The following NFIB variants were observed in gnomAD, a reference collection of about 807,000 sequenced individuals.
NFIB encodes nuclear factor I B.
NFIB carries 11 observed loss-of-function variants against 61.5 expected under a neutral mutation model. The ratio of observed to expected loss-of-function variants is 0.18; its 90% CI spans 0.11 to 0.30. The LOEUF is 0.30. NFIB is among the 10% of genes least tolerant of loss of function. The probability of loss-of-function intolerance (pLI) is 1.00; values close to 1 mark genes in which losing one functional copy is unlikely to be tolerated. For synonymous variants in NFIB, 260 were observed against 216.5 expected (o/e 1.20, Z -1.76); for missense variants, 471 against 608.9 (o/e 0.77, Z 2.38).
At chr9:14,445,228 G>C in the NFIB span, among the ~76,000 whole-genome samples, 1 of 152,048 alleles carries the variant, frequency 6.6e-6, no homozygotes, top group Non-Finnish European at 1.5e-5. Context: ...TGTATATTTT[G>C]GGGGTTTTCT....
intron 2 of NFIB, among the ~76,000 whole-genome samples, chr9:14,278,556 G>C (rs990605029): frequency 6.6e-6 from 1 of 152,146 alleles, no homozygotes; most frequent in African/African-American, 2.4e-5. Flanking sequence ...GAAAAGAGGC[G>C]AGCCCCTGAG....
intron 10 of NFIB, among the ~76,000 whole-genome samples, chr9:14,096,189 T>C (rs1303824635): frequency 6.6e-6 from 1 of 152,140 alleles, no homozygotes; most frequent in Non-Finnish European, 1.5e-5. Flanking sequence ...GCACTTTACA[T>C]AAAACATATT....
intron 3 of NFIB, among the ~76,000 whole-genome samples, chr9:14,160,116 C>CT (rs1184643976): frequency 2.0e-5 from 3 of 151,928 alleles, no homozygotes; most frequent in African/African-American, 4.8e-5. Context: ...TACATGTGTG[C>CT]TTTTTAAAAA....
chr9:14,242,294 T>C (rs1300435269), intron 2 of NFIB, among the ~76,000 whole-genome samples: 1 of 152,218 alleles, frequency 6.6e-6, no homozygotes, highest in African/African-American at 2.4e-5. Context: ...ATCCACTCTC[T>C]AGAAGTTTGA....
At chr9:14,452,959 G>T in the NFIB span, among the ~76,000 whole-genome samples, 1 of 152,192 alleles carries the variant, frequency 6.6e-6, no homozygotes, top group Non-Finnish European at 1.5e-5. Flanking sequence ...TTCTCAAAGG[G>T]ATTGAAAGTA....
At chr9:14,289,071 T>C (rs918333979) in intron 2 of NFIB, among the ~76,000 whole-genome samples, 76 of 142,036 alleles carry the variant, frequency 5.4e-4, no homozygotes, top group African/African-American at 2.0e-3. Context: ...AGTCATTAGA[T>C]TTTCCAAAGC....
intron 10 of NFIB, among the ~76,000 whole-genome samples, chr9:14,105,176 A>T (rs1316979424): frequency 1.3e-5 from 2 of 152,120 alleles, no homozygotes; most frequent in African/African-American, 2.4e-5. Flanking sequence ...GTATTTTTGG[A>T]CTTTTCTTTT....
intron 2 of NFIB, among the ~76,000 whole-genome samples, chr9:14,210,830 A>G (rs1328996982): frequency 6.6e-6 from 1 of 152,210 alleles, no homozygotes; most frequent in Non-Finnish European, 1.5e-5. Context: ...GTCCTAAAAA[A>G]ACTTCCCATT....
chr9:14,243,301 G>A (rs2054539779), intron 2 of NFIB, among the ~76,000 whole-genome samples: 1 of 152,130 alleles, frequency 6.6e-6, no homozygotes, highest in Admixed American at 6.6e-5. Flanking sequence ...AGAAGAAAAA[G>A]CAACTTATAT....
intron 1 of NFIB, among the ~76,000 whole-genome samples, chr9:14,386,178 C>T (rs774531946): frequency 1.3e-5 from 2 of 152,188 alleles, no homozygotes; most frequent in Non-Finnish European, 2.9e-5. Context: ...ATTACATACA[C>T]TTGTCCAAAA....
At chr9:14,308,597 T>C (rs2060137704) in intron 1 of NFIB, among the ~76,000 whole-genome samples, 1 of 152,200 alleles carries the variant, frequency 6.6e-6, no homozygotes, top group Non-Finnish European at 1.5e-5. Flanking sequence ...CTGCATGCTG[T>C]GGTGGGGTGA....
the NFIB span, among the ~76,000 whole-genome samples, chr9:14,498,350 A>C: frequency 6.6e-6 from 1 of 152,226 alleles, no homozygotes; most frequent in Non-Finnish European, 1.5e-5. Context: ...GAGCCAATAC[A>C]AGCCTGATCA....
chr9:14,343,346 G>A (rs1037578172), intron 1 of NFIB, among the ~76,000 whole-genome samples: 4 of 152,170 alleles, frequency 2.6e-5, no homozygotes, highest in Non-Finnish European at 5.9e-5. Flanking sequence ...GGCTGGGGCG[G>A]GGGAGAGTGC....
At chr9:14,294,237 A>G (rs1179004955) in intron 2 of NFIB, among the ~76,000 whole-genome samples, 1 of 152,214 alleles carries the variant, frequency 6.6e-6, no homozygotes, top group African/African-American at 2.4e-5. Context: ...TGGAGACTGT[A>G]AATAGAACAG....
At chr9:14,427,840 G>T in the NFIB span, among the ~76,000 whole-genome samples, 2 of 150,722 alleles carry the variant, frequency 1.3e-5, no homozygotes, top group Non-Finnish European at 2.9e-5. Context: ...TGCCTAAAGG[G>T]GATTTTTGGG....
intron 1 of NFIB, among the ~76,000 whole-genome samples, chr9:14,372,054 G>A (rs2061363958): frequency 6.6e-6 from 1 of 151,872 alleles, no homozygotes; most frequent in Non-Finnish European, 1.5e-5. Flanking sequence ...ACATGAGTTG[G>A]TAAGGACCAT....
chr9:14,127,197 G>C (rs1221791193), intron 6 of NFIB, among the ~76,000 whole-genome samples: 1 of 152,222 alleles, frequency 6.6e-6, no homozygotes, highest in Admixed American at 6.5e-5. Context: ...AGTTGACTAA[G>C]AGACTATACC....
chr9:14,251,771 A>C (rs1409320826), intron 2 of NFIB, among the ~76,000 whole-genome samples: 1 of 152,232 alleles, frequency 6.6e-6, no homozygotes, highest in Non-Finnish European at 1.5e-5. Flanking sequence ...TGCTCCAAGG[A>C]CCAGGAATTA....
At chr9:14,344,096 GAGAGAGAGAGAA>G (rs1406584241) in intron 1 of NFIB, among the ~76,000 whole-genome samples, 1 of 139,202 alleles carries the variant, frequency 7.2e-6, no homozygotes, top group African/African-American at 3.2e-5. Context: ...AAGAGAGGGA[GAGAGAGAGAGAA>G]AGAGAGAGAG....
Sources: gnomAD v4.1 joint callset for allele counts (sites outside exome capture counted in the v4.1 genomes callset) on GRCh38, gnomAD v4.1.1 for gene constraint, MANE v1.5 for transcripts, NCBI Gene and HGNC (gene_info 2026-07-23, HGNC 2026-07-21) for gene names.